GPC4: variants seen among roughly 807,000 people sequenced by gnomAD.
GPC4 encodes the protein glypican-4.
Under a neutral mutation model 35.0 loss-of-function variants are expected in GPC4, and 10 were observed. The ratio of observed to expected loss-of-function variants is 0.29; its 90% CI spans 0.18 to 0.48. The LOEUF (loss-of-function observed/expected upper bound fraction) is 0.48, where lower values mean the gene tolerates loss of function less well. GPC4 is among the 20% of genes least tolerant of loss of function. GPC4 has a pLI of 0.99. For missense variants in GPC4, 322 were observed against 451.3 expected (o/e 0.71, Z 2.60); for synonymous variants, 167 against 170.2 (o/e 0.98, Z 0.15).
chrX:133,356,906 A>G (rs774281828), intron 1 of GPC4, among the ~76,000 whole-genome samples: 28 of 111,308 alleles, frequency 2.5e-4, no homozygotes, highest in Non-Finnish European at 5.3e-4. Context: ...AGCATGATTT[A>G]CTATCTAACT....
chrX:133,329,684 C>T (rs2068410395), intron 2 of GPC4, among the ~76,000 whole-genome samples: 1 of 110,740 alleles, frequency 9.0e-6, no homozygotes, highest in African/African-American at 3.3e-5. Context: ...ATCAGCAGGT[C>T]GACACCCCCC....
intron 1 of GPC4, among the ~76,000 whole-genome samples, chrX:133,387,339 G>C (rs2068696122): frequency 9.0e-6 from 1 of 111,515 alleles, no homozygotes; most frequent in Non-Finnish European, 1.9e-5. Flanking sequence ...GCATTTTGCA[G>C]GGATATTAAT....
intron 3 of GPC4, among the ~76,000 whole-genome samples, chrX:133,316,250 T>G (rs976970604): frequency 1.8e-5 from 2 of 111,896 alleles, no homozygotes; most frequent in African/African-American, 6.5e-5. Flanking sequence ...AATAATCACA[T>G]AACATGAGTA....
intron 1 of GPC4, among the ~76,000 whole-genome samples, chrX:133,391,917 T>C (rs1410881150): frequency 8.9e-6 from 1 of 111,760 alleles, no homozygotes; most frequent in African/African-American, 3.3e-5. Context: ...TACCAAAGGT[T>C]AGAAGAGGTG....
intron 1 of GPC4, among the ~76,000 whole-genome samples, chrX:133,377,990 G>A (rs1306556700): frequency 9.5e-6 from 1 of 105,404 alleles, no homozygotes; most frequent in Non-Finnish European, 1.9e-5. Context: ...AACCTCCCGG[G>A]TTCACGCGAC....
chrX:133,405,278 T>C (rs1485928655), intron 1 of GPC4, among the ~76,000 whole-genome samples: 2 of 110,418 alleles, frequency 1.8e-5, no homozygotes, highest in African/African-American at 3.3e-5. Context: ...CTGGCTAATT[T>C]TGGCATTTTT....
intron 1 of GPC4, among the ~76,000 whole-genome samples, chrX:133,404,598 C>T (rs1396858882): frequency 9.9e-6 from 1 of 101,368 alleles, no homozygotes; most frequent in Non-Finnish European, 2.0e-5. Flanking sequence ...TGGTGGCTCA[C>T]GCCTGTCCCA....
chrX:133,406,776 TA>T (rs1189982089), intron 1 of GPC4, among the ~76,000 whole-genome samples: 3 of 82,401 alleles, frequency 3.6e-5, no homozygotes, highest in South Asian at 5.9e-4. Flanking sequence ...AAAAGAAAAT[TA>T]AAAAAAACTA....
chrX:133,301,835 G>C lies in GPC4; in HGVS notation c.*1032C>G, dbSNP rs948855452. ...TGTTGACAGCTATTCCCTGAGCCCA[G>C]GCTGTACCCCAGTTCTGGCTAGCTC... On this transcript the variant is annotated 3_prime_UTR_variant, in exon 9 of 9. Transcript: ENST00000370828. The C allele has an allele frequency of 1.8e-5, 2 of 111,999 alleles. No homozygotes were observed. Among genetic ancestry groups the C allele is most frequent in the Non-Finnish European group, 3.8e-5 (2 of 53,238 alleles). The allele number at this position is 111,999 out of a possible 1,213,427, so 9.2% of individuals were successfully genotyped here.
intron 1 of GPC4, among the ~76,000 whole-genome samples, chrX:133,405,738 T>A (rs2068784689): frequency 8.9e-6 from 1 of 112,294 alleles, no homozygotes; most frequent in African/African-American, 3.2e-5. Flanking sequence ...GGAAACTGGA[T>A]AACCAAAGCA....
intron 1 of GPC4, among the ~76,000 whole-genome samples, chrX:133,405,473 T>C (rs2068783760): frequency 8.9e-6 from 1 of 112,284 alleles, no homozygotes; most frequent in Non-Finnish European, 1.9e-5. Flanking sequence ...TATTTAATAC[T>C]GTAATGAAAT....
At chrX:133,321,999 C>A (rs1202900269) in intron 3 of GPC4, among the ~76,000 whole-genome samples, 1 of 111,829 alleles carries the variant, frequency 8.9e-6, no homozygotes, top group Non-Finnish European at 1.9e-5. Flanking sequence ...TCACCCAATT[C>A]TAATATGAAA....
At chrX:133,308,229 C>T (rs1222105363) in intron 4 of GPC4, among the ~76,000 whole-genome samples, 1 of 111,793 alleles carries the variant, frequency 8.9e-6, no homozygotes, top group Admixed American at 9.5e-5. Flanking sequence ...CTGATACGAG[C>T]CACGGAGGCC....
intron 2 of GPC4, among the ~76,000 whole-genome samples, chrX:133,329,304 T>C (rs1362121283): frequency 8.9e-6 from 1 of 112,157 alleles, no homozygotes; most frequent in African/African-American, 3.2e-5. Flanking sequence ...TGTGAGATGA[T>C]AGTGTTGTCA....
chrX:133,413,132 A>AT (rs1380409481), intron 1 of GPC4, among the ~76,000 whole-genome samples: 1 of 111,296 alleles, frequency 9.0e-6, no homozygotes, highest in Non-Finnish European at 1.9e-5. Flanking sequence ...GGTTCACTTC[A>AT]TTTTTTTTCT....
At chrX:133,358,541 C>T (rs773626587) in intron 1 of GPC4, among the ~76,000 whole-genome samples, 71 of 112,012 alleles carry the variant, frequency 6.3e-4, no homozygotes, top group Non-Finnish European at 8.5e-4. Context: ...AAGGCAGATG[C>T]TTTGGAAATT....
chrX:133,343,993 C>T (rs1274767342), intron 1 of GPC4, among the ~76,000 whole-genome samples: 1 of 108,802 alleles, frequency 9.2e-6, no homozygotes, highest in Non-Finnish European at 1.9e-5. Context: ...ATCTCATTTA[C>T]TCCTCTCACC....
intron 1 of GPC4, among the ~76,000 whole-genome samples, chrX:133,384,559 G>A (rs1202446422): frequency 1.8e-5 from 2 of 111,321 alleles, no homozygotes; most frequent in African/African-American, 6.5e-5. Context: ...CCTGGTACAT[G>A]TGGAGCATTT....
At chrX:133,323,174 C>A (rs1004719928) in intron 3 of GPC4, among the ~76,000 whole-genome samples, 1 of 111,681 alleles carries the variant, frequency 9.0e-6, no homozygotes, top group Admixed American at 9.5e-5. Context: ...AAAGCAATAT[C>A]CTGCTCAAGA....
Sources: gnomAD v4.1 joint callset for allele counts (sites outside exome capture counted in the v4.1 genomes callset) on GRCh38, gnomAD v4.1.1 for gene constraint, MANE v1.5 for transcripts, NCBI Gene and HGNC (gene_info 2026-07-23, HGNC 2026-07-21) for gene names.